The following ARHGEF3 variants were observed in gnomAD, a reference collection of about 807,000 sequenced individuals.
The protein encoded by ARHGEF3 is 59.8 kDA protein.
A neutral mutation model predicts 63.2 loss-of-function variants in ARHGEF3; 28 were observed. That is an observed-to-expected ratio of 0.44 (90% CI 0.33 to 0.61). ARHGEF3 has a LOEUF of 0.61. ARHGEF3 is among the 20% of genes least tolerant of loss of function. The pLI is 0.03. For missense variants in ARHGEF3, 533 were observed against 659.3 expected, an observed-to-expected ratio of 0.81 and a Z score of 2.10; for synonymous variants, 266 against 254.2, an observed-to-expected ratio of 1.05 and a Z score of -0.44.
chr3:56,958,802 G>T, intron 3 of ARHGEF3: 1 of 1,546,904 alleles, frequency 6.5e-7, no homozygotes, highest in Non-Finnish European at 8.8e-7. Context: ...AACAGCAGGG[G>T]CTACCCAGGG....
chr3:56,911,413 C>G lies in ARHGEF3; in HGVS notation c.130-29059G>C, dbSNP rs539976377. 3.9e-5 allele frequency among the ~76,000 whole-genome samples: 6 copies of G among 152,216 alleles called. No individual in the cohort carries two copies. The East Asian group carries it at 7.7e-4, about 20-fold the overall frequency. ...AAGGGTTGGCACACAGGAGCTGCTT[C>G]CCAAGAGAACTGCCCACCCCGGCCA... On this transcript the variant is annotated intron_variant, in intron 3 of 12. Coordinates refer to the ARHGEF3 transcript ENST00000338458.
intron 2 of ARHGEF3, among the ~76,000 whole-genome samples, chr3:56,968,306 A>T (rs1300964851): frequency 3.4e-5 from 2 of 58,050 alleles, no homozygotes; most frequent in Non-Finnish European, 6.7e-5. Flanking sequence ...AATATATAAT[A>T]TATATAAAAT....
At chr3:56,764,919 G>A (rs77425500) in intron 2 of ARHGEF3, among the ~76,000 whole-genome samples, 1,733 of 152,084 alleles carry the variant, frequency 0.011, 67 homozygotes, top group East Asian at 0.11. Context: ...ACCAAGCCTA[G>A]CTGATATTTT....
chr3:56,867,601 T>C (rs1317484281), intron 4 of ARHGEF3, among the ~76,000 whole-genome samples: 1 of 152,024 alleles, frequency 6.6e-6, no homozygotes, highest in Admixed American at 6.6e-5. Context: ...GCCTCCCAAG[T>C]AGCCAGGACC....
chr3:56,920,230 A>G lies in ARHGEF3; in HGVS notation c.130-37876T>C, dbSNP rs150947284. Among the ~76,000 whole-genome samples the G allele has an allele frequency of 2.6e-4, 39 of 152,338 alleles. No individual in the cohort carries two copies. In the East Asian group the frequency reaches 7.5e-3, roughly 29 times the overall value. ...TATTTATACACAGGAAACTACCTAT[A>G]GGGTGCCTACGATGCAAAGATGAAC... On this transcript the variant is annotated intron_variant, in intron 3 of 12. Transcript: ENST00000338458.
chr3:56,837,356 T>G (rs979462788), intron 4 of ARHGEF3, among the ~76,000 whole-genome samples: 2 of 152,194 alleles, frequency 1.3e-5, no homozygotes, highest in African/African-American at 4.8e-5. Flanking sequence ...AACCCTTGTC[T>G]TGTGGTCCTG....
chr3:56,779,732 TC>T (rs2036480791), intron 1 of ARHGEF3, among the ~76,000 whole-genome samples: 1 of 152,268 alleles, frequency 6.6e-6, no homozygotes, highest in African/African-American at 2.4e-5. Flanking sequence ...CTACAGATTT[TC>T]CCTCTTGTGT....
At chr3:56,989,905 C>G (rs1211682381) in intron 2 of ARHGEF3, among the ~76,000 whole-genome samples, 1 of 152,244 alleles carries the variant, frequency 6.6e-6, no homozygotes, top group East Asian at 1.9e-4. Flanking sequence ...ATGGGAGCCG[C>G]TATTTACCAA....
chr3:56,989,475 C>A (rs1028746862), intron 2 of ARHGEF3, among the ~76,000 whole-genome samples: 1 of 152,210 alleles, frequency 6.6e-6, no homozygotes, highest in Non-Finnish European at 1.5e-5. Flanking sequence ...GAGAGACACT[C>A]CGAGCCAAAA....
chr3:56,863,307 T>G (rs1259762916), intron 4 of ARHGEF3, among the ~76,000 whole-genome samples: 1 of 151,680 alleles, frequency 6.6e-6, no homozygotes, highest in Non-Finnish European at 1.5e-5. Context: ...CAGCTAATTT[T>G]TTTTTTTTTT....
At chr3:56,747,116 G>C (rs2034439417) in intron 6 of ARHGEF3, among the ~76,000 whole-genome samples, 2 of 151,914 alleles carry the variant, frequency 1.3e-5, no homozygotes, top group Admixed American at 6.6e-5. Context: ...GTGGTACTGT[G>C]GCTTGTAATT....
intron 1 of ARHGEF3, among the ~76,000 whole-genome samples, chr3:57,055,163 C>CTTTTT (rs71623876): frequency 7.4e-6 from 1 of 135,306 alleles, no homozygotes; most frequent in Non-Finnish European, 1.6e-5. Context: ...TCTCTTTATG[C>CTTTTT]TTTTTTTTTT....
chr3:56,963,661 T>C (rs1328933133), intron 2 of ARHGEF3, among the ~76,000 whole-genome samples: 1 of 152,198 alleles, frequency 6.6e-6, no homozygotes, highest in Non-Finnish European at 1.5e-5. Context: ...ATCAGAACAA[T>C]TGTAGCATAA....
chr3:56,818,820 G>A (rs1402475506), intron 4 of ARHGEF3, among the ~76,000 whole-genome samples: 9 of 152,144 alleles, frequency 5.9e-5, no homozygotes, highest in Non-Finnish European at 1.0e-4. Context: ...GCCCAGGGTC[G>A]TGGCAAATAT....
chr3:56,981,585 ACCTGGTAATTTAATT>A (rs1457721735), intron 2 of ARHGEF3, among the ~76,000 whole-genome samples: 3 of 152,204 alleles, frequency 2.0e-5, no homozygotes, highest in African/African-American at 7.2e-5. Flanking sequence ...ATTATTTCAA[ACCTGGTAATTTAATT>A]CAGTCATATC....
At chr3:56,828,432 G>T (rs1272144286) in intron 4 of ARHGEF3, among the ~76,000 whole-genome samples, 1 of 152,174 alleles carries the variant, frequency 6.6e-6, no homozygotes, top group Non-Finnish European at 1.5e-5. Flanking sequence ...TACTCAGGAG[G>T]CTGAGACAGG....
At chr3:56,992,831 ATTTTATT>A (rs958926823) in intron 2 of ARHGEF3, among the ~76,000 whole-genome samples, 4 of 151,980 alleles carry the variant, frequency 2.6e-5, no homozygotes, top group Admixed American at 6.6e-5. Flanking sequence ...GAAGCTTTTT[ATTTTATT>A]TTTTATTTTT....
In ARHGEF3 at chr3:56,879,187, A is replaced by T. The variant is rs1233087557; in HGVS notation, c.192+3105T>A. The stretch of plus-strand genomic sequence containing the variant: ...AGAAATAAAGTACACAATAAATGTA[A>T]AGTGCTTGAATCATCCTGAAACCAT... On this transcript the variant is annotated intron_variant, in intron 4 of 12. Transcript: ENST00000338458. Among the ~76,000 whole-genome samples the T allele has an allele frequency of 1.3e-5, 2 of 152,230 alleles. 1 individual carries two copies. Among genetic ancestry groups the T allele is most frequent in the Admixed American group, 1.3e-4 (2 of 15,276 alleles).
chr3:57,043,318 C>T (rs1322796941), intron 1 of ARHGEF3, among the ~76,000 whole-genome samples: 1 of 150,688 alleles, frequency 6.6e-6, no homozygotes, highest in Middle Eastern at 3.4e-3. Context: ...GGTTTCACCA[C>T]GTTGATTAGG....
Sources: gnomAD v4.1 joint callset for allele counts (sites outside exome capture counted in the v4.1 genomes callset) on GRCh38, gnomAD v4.1.1 for gene constraint, MANE v1.5 for transcripts, NCBI Gene and HGNC (gene_info 2026-07-23, HGNC 2026-07-21) for gene names.